Variants in DOCK2 observed in about 807,000 individuals in gnomAD.
DOCK2 encodes the protein dedicator of cytokinesis protein 2.
A neutral mutation model predicts 248.9 loss-of-function variants in DOCK2; 87 were observed. That is an observed-to-expected ratio of 0.35 (90% confidence interval 0.29 to 0.42). DOCK2 has a LOEUF of 0.42. Among genes scored for constraint, DOCK2 ranks in the 10% least tolerant of loss-of-function variants. The probability of loss-of-function intolerance (pLI) is 1.00; values close to 1 mark genes in which losing one functional copy is unlikely to be tolerated. For missense variants in DOCK2, 1,747 were observed against 2,300.2 expected (o/e 0.76, Z 4.92); for synonymous variants, 805 against 821.6 (o/e 0.98, Z 0.35).
intron 27 of DOCK2, among the ~76,000 whole-genome samples, chr5:169,846,621 C>CATATATACACACATATATGT (rs1770329635): frequency 2.0e-5 from 3 of 151,258 alleles, no homozygotes; most frequent in African/African-American, 4.9e-5. Flanking sequence ...CACACACACA[C>CATATATACACACATATATGT]ACATATATAC....
intron 25 of DOCK2, among the ~76,000 whole-genome samples, chr5:169,787,961 G>GC (rs997978110): frequency 6.6e-5 from 10 of 151,866 alleles, no homozygotes; most frequent in African/African-American, 2.4e-4. Flanking sequence ...GGGGGCAGCC[G>GC]CATCCACTGT....
chr5:169,864,352 G>C, intron 27 of DOCK2: 1 of 1,551,570 alleles, frequency 6.4e-7, no homozygotes, highest in South Asian at 1.2e-5. Flanking sequence ...TGGGGGTTCT[G>C]CTGGGGACTT....
intron 32 of DOCK2, 36 bp downstream of exon 32, chr5:170,008,782 C>T: frequency 6.2e-7 from 1 of 1,612,822 alleles, no homozygotes; most frequent in Non-Finnish European, 8.5e-7. Context: ...CTCACATCTG[C>T]AGGCACCAAA....
chr5:169,892,802 T>C (rs1773372854), intron 27 of DOCK2, among the ~76,000 whole-genome samples: 1 of 152,224 alleles, frequency 6.6e-6, no homozygotes, highest in Admixed American at 6.5e-5. Context: ...ATGACCAGCC[T>C]AAGACATGAA....
In DOCK2 at chr5:169,643,881, G is replaced by C. The variant is rs543510556; in HGVS notation, c.43+6512G>C. Among the ~76,000 whole-genome samples, 5 of 152,320 alleles carry C rather than the reference G, an allele frequency of 3.3e-5. No homozygotes were observed. The East Asian group carries it at 9.6e-4, about 29-fold the overall frequency. ...GCAATGCCAGGCCTAGAGACACCCT[G>C]ACTGACATGGTGGGCTGCAGCAGCA... is the stretch of plus-strand genomic sequence containing the variant. On this transcript the variant is annotated intron_variant, in intron 1 of 51. Coordinates refer to ENST00000520908, the MANE Select transcript of DOCK2 (RefSeq NM_004946.3).
chr5:169,830,814 T>C (rs1416741065), intron 26 of DOCK2, among the ~76,000 whole-genome samples: 1 of 152,230 alleles, frequency 6.6e-6, no homozygotes, highest in Non-Finnish European at 1.5e-5. Context: ...TTAGTAATGT[T>C]GGCAACAGTG....
Position 169,939,699 on chromosome 5 carries a change from G to A in DOCK2, c.2800-43369G>A, listed in dbSNP as rs546019611. On this transcript the variant is annotated intron_variant, in intron 27 of 51. Coordinates refer to ENST00000520908, the MANE Select transcript of DOCK2 (RefSeq NM_004946.3). ...GCTCCATTCCGTCATTGACTGAGACGTCATTATGCATGTATATATATGTTT... is the reference window on the plus strand; with the variant it reads ...GCTCCATTCCGTCATTGACTGAGACATCATTATGCATGTATATATATGTTT... Among the ~76,000 whole-genome samples the A allele has an allele frequency of 2.6e-5, 4 of 152,196 alleles. No individual in the cohort carries two copies. The East Asian group carries it at 7.7e-4, about 29-fold the overall frequency.
intron 42 of DOCK2, 93 bp downstream of exon 42, chr5:170,055,479 T>C: frequency 1.8e-6 from 2 of 1,124,720 alleles, no homozygotes; most frequent in South Asian, 2.6e-5. Flanking sequence ...CCCAGTGTCT[T>C]TCTAGTTCCT....
intron 29 of DOCK2, among the ~76,000 whole-genome samples, chr5:169,987,424 A>T (rs1778095357): frequency 6.6e-6 from 1 of 152,242 alleles, no homozygotes; most frequent in Non-Finnish European, 1.5e-5. Flanking sequence ...AAAGAAGCAG[A>T]GAGAGTAGTT....
chr5:169,653,262 G>A (rs1467435968), intron 1 of DOCK2, among the ~76,000 whole-genome samples: 2 of 152,194 alleles, frequency 1.3e-5, no homozygotes, highest in African/African-American at 2.4e-5. Flanking sequence ...GCCTGCCTAC[G>A]TTTAGTTCCT....
At chr5:170,020,271 C>T (rs1755676400) in intron 33 of DOCK2, among the ~76,000 whole-genome samples, 1 of 152,174 alleles carries the variant, frequency 6.6e-6, no homozygotes, top group South Asian at 2.1e-4. Context: ...AGTCACAACC[C>T]TGCCTCTCAA....
At chr5:170,052,412 G>A (rs1761042149) in intron 41 of DOCK2, among the ~76,000 whole-genome samples, 3 of 152,178 alleles carry the variant, frequency 2.0e-5, no homozygotes, top group South Asian at 2.1e-4. Context: ...GAGAGAGTAC[G>A]TGTTCCTGGG....
chr5:169,829,242 A>T (rs1374655078), intron 26 of DOCK2, among the ~76,000 whole-genome samples: 1 of 152,164 alleles, frequency 6.6e-6, no homozygotes, highest in African/African-American at 2.4e-5. Flanking sequence ...TCCTGTTCTT[A>T]TTCCTATGCC....
At chr5:169,876,331 C>T (rs971090227) in intron 27 of DOCK2, among the ~76,000 whole-genome samples, 6 of 152,224 alleles carry the variant, frequency 3.9e-5, no homozygotes, top group Non-Finnish European at 8.8e-5. Context: ...ATTTTGCCTA[C>T]AAGCCTGGGT....
intron 2 of DOCK2, among the ~76,000 whole-genome samples, chr5:169,664,676 T>C (rs113611707): frequency 5.3e-5 from 8 of 152,306 alleles, no homozygotes; most frequent in Non-Finnish European, 1.0e-4. Flanking sequence ...AAGTGCCACA[T>C]TTTTAAACCA....
intron 2 of DOCK2, among the ~76,000 whole-genome samples, chr5:169,661,082 A>T (rs1758422785): frequency 1.3e-5 from 2 of 152,216 alleles, no homozygotes; most frequent in African/African-American, 4.8e-5. Flanking sequence ...GAAGAATGGT[A>T]TCTACTAACT....
chr5:169,808,395 C>A (rs1412216124), intron 26 of DOCK2, among the ~76,000 whole-genome samples: 1 of 152,050 alleles, frequency 6.6e-6, no homozygotes, highest in Non-Finnish European at 1.5e-5. Flanking sequence ...AGCAAGCCAA[C>A]CTTATTCTTT....
intron 25 of DOCK2, among the ~76,000 whole-genome samples, chr5:169,785,871 T>A (rs1680570): frequency 6.6e-6 from 1 of 152,124 alleles, no homozygotes; most frequent in Non-Finnish European, 1.5e-5. Flanking sequence ...TTTAGAGGAA[T>A]CTGGTGACAA....
intron 27 of DOCK2, among the ~76,000 whole-genome samples, chr5:169,955,390 G>GGA (rs139569428): frequency 5.9e-5 from 9 of 151,560 alleles, no homozygotes; most frequent in Non-Finnish European, 1.0e-4. Flanking sequence ...TTAAAGGAAG[G>GGA]GAGAGAGAGA....
Sources: allele counts gnomAD v4.1 joint callset (sites outside exome capture counted in the v4.1 genomes callset), GRCh38; gene constraint gnomAD v4.1.1; transcripts MANE v1.5; gene names NCBI Gene and HGNC (gene_info 2026-07-23, HGNC 2026-07-21).